Variants in RAB21 observed in about 807,000 individuals in gnomAD.
RAB21 encodes RAB21, member RAS oncogene family.
In RAB21, 13 loss-of-function variants were observed where a neutral mutation model predicts 33.1. That is an observed-to-expected ratio of 0.39 (90% CI 0.26 to 0.62). The LOEUF (loss-of-function observed/expected upper bound fraction) is 0.62. Among genes scored for constraint, RAB21 ranks in the 20% least tolerant of loss-of-function variants. The probability of loss-of-function intolerance (pLI) is 0.48; values close to 1 mark genes in which losing one functional copy is unlikely to be tolerated. For synonymous variants in RAB21, 91 were observed against 103.7 expected (o/e 0.88, Z 0.74); for missense variants, 234 against 279.1 (o/e 0.84, Z 1.15).
intron 1 of RAB21, among the ~76,000 whole-genome samples, chr12:71,767,377 A>G (rs563138916): frequency 3.0e-4 from 46 of 152,172 alleles, no homozygotes; most frequent in Middle Eastern, 3.4e-3. Flanking sequence ...TCTCCACAAC[A>G]CTCATGACCA....
In RAB21 at chr12:71,795,699, C is replaced by T. The variant is rs1489802132; in HGVS notation, c.*10026C>T. 2 of 136,802 alleles carry T rather than the reference C, an allele frequency of 1.5e-5. 1 individual carries two copies. Among genetic ancestry groups the T allele is most frequent in the Admixed American group, 1.5e-4 (2 of 13,260 alleles). The allele number at this position is 136,802 out of a possible 1,614,324, so 8.5% of individuals were successfully genotyped here. ...ACATCTCTGCTCTGGTTTTTTGAAG[C>T]TCATTAGGATGATACCTGTCATCTC... On this transcript the variant is annotated 3_prime_UTR_variant, in exon 7 of 7. Transcript: ENST00000261263.
In RAB21 at chr12:71,798,398, T is replaced by A. The variant is rs1420315664; in HGVS notation, c.*12725T>A. ...CCATGCCCAACATATAACAATAAATTATATCACTATATAAAATAAATTCCT... is the reference window on the plus strand; with the variant it reads ...CCATGCCCAACATATAACAATAAATAATATCACTATATAAAATAAATTCCT... On this transcript the variant is annotated 3_prime_UTR_variant, in exon 7 of 7. Transcript: ENST00000261263. 1 of 152,062 alleles carries A rather than the reference T, an allele frequency of 6.6e-6. No individual in the cohort carries two copies. The highest frequency in any genetic ancestry group is 1.5e-5 in the Non-Finnish European group (1 of 68,012). The allele number at this position is 152,062 out of a possible 1,614,324, so 9.4% of individuals were successfully genotyped here. A position where few individuals can be genotyped will look rare whatever the true frequency, so the allele number is the denominator to read the frequency against.
intron 1 of RAB21, among the ~76,000 whole-genome samples, chr12:71,765,433 T>G (rs1036988076): frequency 1.3e-5 from 2 of 152,226 alleles, no homozygotes; most frequent in African/African-American, 4.8e-5. Flanking sequence ...TTTATTTTGC[T>G]GTGCAGAAGC....
chr12:71,768,494 G>A (rs996071369), intron 1 of RAB21, among the ~76,000 whole-genome samples: 3 of 151,744 alleles, frequency 2.0e-5, no homozygotes, highest in Admixed American at 2.0e-4. Context: ...GATATATTTT[G>A]TCTTCAGTAA....
intron 4 of RAB21, 79 bp downstream of exon 4, chr12:71,774,101 T>A: frequency 1.0e-6 from 1 of 953,116 alleles, no homozygotes; most frequent in Admixed American, 2.9e-5. Context: ...ATTTTTGTTT[T>A]AAAGTTATAT....
At position 71,755,076 on chromosome 12, in the gene RAB21, G is replaced by A; in HGVS notation, c.-54G>A. Reference sequence around the variant, plus strand: ...GCCGTGGCTGTGAAGGCGCTGCCGCGGCTGTCGGGAGGGCGGCGCGACACT... The same window carrying A: ...GCCGTGGCTGTGAAGGCGCTGCCGCAGCTGTCGGGAGGGCGGCGCGACACT... On this transcript the variant is annotated 5_prime_UTR_variant, in exon 1 of 7. Transcript: ENST00000261263. 9.6e-6 allele frequency: 10 copies of A among 1,046,708 alleles called. No homozygotes were observed. Among genetic ancestry groups the A allele is most frequent in the Non-Finnish European group, 1.1e-5 (10 of 872,238 alleles). The allele number at this position is 1,046,708 out of a possible 1,614,324, so 64.8% of individuals were successfully genotyped here.
At chr12:71,763,291 G>A (rs1257578014) in intron 1 of RAB21, among the ~76,000 whole-genome samples, 1 of 151,688 alleles carries the variant, frequency 6.6e-6, no homozygotes, top group Non-Finnish European at 1.5e-5. Context: ...ACTACTTTAG[G>A]TGGTTTGCTT....
At chr12:71,764,805 G>C (rs1882934475) in intron 1 of RAB21, among the ~76,000 whole-genome samples, 1 of 152,154 alleles carries the variant, frequency 6.6e-6, no homozygotes, top group South Asian at 2.1e-4. Flanking sequence ...TTTTATGGCT[G>C]AGTAGTATTC....
At chr12:71,776,859 C>T (rs1883127690) in intron 4 of RAB21, among the ~76,000 whole-genome samples, 1 of 152,126 alleles carries the variant, frequency 6.6e-6, no homozygotes, top group Non-Finnish European at 1.5e-5. Flanking sequence ...AGAATTAATT[C>T]CTTCTTTTCA....
Position 71,781,766 on chromosome 12 carries a change from G to A in RAB21, c.392-265G>A, listed in dbSNP as rs1323433581. On this transcript the variant is annotated intron_variant, in intron 4 of 6. Transcript: ENST00000261263. Reference sequence around the variant, plus strand: ...GTATCCCCCAAAATCAAAAAAGAGTGCCTGTCTCTTTGGAAAAGTTGTTTT... The same window carrying A: ...GTATCCCCCAAAATCAAAAAAGAGTACCTGTCTCTTTGGAAAAGTTGTTTT... 3.3e-5 allele frequency among the ~76,000 whole-genome samples: 5 copies of A among 152,168 alleles called. 1 individual carries two copies. Among genetic ancestry groups the A allele is most frequent in the Non-Finnish European group, 7.3e-5 (5 of 68,030 alleles).
intron 3 of RAB21, 106 bp from the exon 4 acceptor site, chr12:71,773,853 A>C (rs1445122668): frequency 1.4e-6 from 1 of 730,630 alleles, no homozygotes; most frequent in East Asian, 2.8e-5. Context: ...AATAATATAG[A>C]CTCTTAAAAT....
Position 71,782,618 on chromosome 12 carries a change from G to C in RAB21, c.495G>C (p.Gln165His). 1 of 1,603,388 alleles carries C rather than the reference G, an allele frequency of 6.2e-7. No individual in the cohort carries two copies. The highest frequency in any genetic ancestry group is 8.5e-7 in the Non-Finnish European group (1 of 1,173,730). Residue 165 changes from glutamine to histidine, a missense_variant, in exon 6 of 7, where the codon CAG becomes CAC. Gln to His is a conservative substitution (Grantham distance 24). Coordinates refer to ENST00000261263, the MANE Select transcript of RAB21 (RefSeq NM_014999.4). ...GAKHYHTSAK[Q>H]NKGIEELFLD... ...AACATTATCATACTTCAGCCAAACA[G>C]AACAAAGGAATTGAGGAACTCTTTC...
chr12:71,782,152 C>T, intron 5 of RAB21, 67 bp downstream of exon 5: 1 of 1,431,896 alleles, frequency 7.0e-7, no homozygotes, highest in South Asian at 1.2e-5. Context: ...ATACGTTTTG[C>T]TTTACCATTT....
chr12:71,755,361 C>G lies in RAB21; in HGVS notation c.159+73C>G, dbSNP rs977914077. 2.9e-6 allele frequency: 4 copies of G among 1,400,296 alleles called. No homozygotes were observed. The South Asian group carries it at 6.0e-5, about 21-fold the overall frequency. 86.7% of individuals were successfully genotyped at this position (1,400,296 alleles called of 1,614,324 possible). A position where few individuals can be genotyped will look rare whatever the true frequency, so the allele number is the denominator to read the frequency against. On this transcript the variant is annotated intron_variant, in intron 1 of 6. Coordinates refer to ENST00000261263, the MANE Select transcript of RAB21 (RefSeq NM_014999.4). Reference sequence around the variant, plus strand: ...TCCGGGGCTGGGGAAACTTTGCCGCCCTGGTCCCCTGGATGTAGGCTGGCA... The same window carrying G: ...TCCGGGGCTGGGGAAACTTTGCCGCGCTGGTCCCCTGGATGTAGGCTGGCA...
At chr12:71,760,864 G>A (rs1241435934) in intron 1 of RAB21, among the ~76,000 whole-genome samples, 1 of 152,080 alleles carries the variant, frequency 6.6e-6, no homozygotes, top group Non-Finnish European at 1.5e-5. Context: ...GTGCTGTAAG[G>A]TTGGCTAGGC....
At position 71,787,547 on chromosome 12, in the gene RAB21, A is replaced by G. The variant is rs1367784594; in HGVS notation, c.*1874A>G. The G allele has an allele frequency of 1.3e-5, 2 of 152,224 alleles. No homozygotes were observed. Among genetic ancestry groups the G allele is most frequent in the South Asian group, 4.1e-4 (2 of 4,830 alleles). The allele number at this position is 152,224 out of a possible 1,614,324, so 9.4% of individuals were successfully genotyped here. On this transcript the variant is annotated 3_prime_UTR_variant, in exon 7 of 7. Coordinates refer to ENST00000261263, the MANE Select transcript of RAB21 (RefSeq NM_014999.4). ...TTATAGTTACAAAAGAAATACTGCC[A>G]TATTTTTAAGTTAATAACTTAAACC...
rs188944475 is a variant in RAB21 at position 71,765,879 on chromosome 12, T to G, written c.160-3921T>G. ...TTCTTCTTAAATATATTCATAATTT[T>G]ATTTTTTAAAAAAGTTTTCTAAAGT... On this transcript the variant is annotated intron_variant, in intron 1 of 6. Transcript: ENST00000261263. Among the ~76,000 whole-genome samples, 822 of 152,174 alleles carry G rather than the reference T, an allele frequency of 5.4e-3. 8 individuals are homozygous for G. The highest frequency in any genetic ancestry group is 0.019 in the African/African-American group (781 of 41,556).
At position 71,793,016 on chromosome 12, in the gene RAB21, A is replaced by C. The variant is rs1164013949; in HGVS notation, c.*7343A>C. ...AATAATACATTTTCAAGCCAGATTA[A>C]AATTGAATAACTTACTTTCTAGCTT... On this transcript the variant is annotated 3_prime_UTR_variant, in exon 7 of 7. Coordinates refer to ENST00000261263, the MANE Select transcript of RAB21 (RefSeq NM_014999.4). The C allele has an allele frequency of 6.6e-6, 1 of 152,236 alleles. No homozygotes were observed. The highest frequency in any genetic ancestry group is 1.5e-5 in the Non-Finnish European group (1 of 68,044). The allele number at this position is 152,236 out of a possible 1,614,324, so 9.4% of individuals were successfully genotyped here.
intron 4 of RAB21, among the ~76,000 whole-genome samples, chr12:71,780,433 A>C (rs990341081): frequency 6.6e-6 from 1 of 152,208 alleles, no homozygotes; most frequent in Non-Finnish European, 1.5e-5. Flanking sequence ...TTCTTTACAG[A>C]ATAACACGAC....
Sources: gnomAD v4.1 joint callset for allele counts (sites outside exome capture counted in the v4.1 genomes callset) on GRCh38, gnomAD v4.1.1 for gene constraint, MANE v1.5 for transcripts, NCBI Gene and HGNC (gene_info 2026-07-23, HGNC 2026-07-21) for gene names.